Variants in TSPAN5 observed in about 807,000 individuals in gnomAD.
The protein encoded by TSPAN5 is tetraspanin 5.
TSPAN5 carries 10 observed loss-of-function variants against 37.1 expected under a neutral mutation model. The observed-to-expected ratio is 0.27, with a 90% CI of 0.17 to 0.46. The LOEUF (loss-of-function observed/expected upper bound fraction) is 0.46. Ranked by LOEUF, TSPAN5 falls within the 20% of genes least tolerant of loss-of-function variation. The pLI is 1.00. For synonymous variants in TSPAN5, 110 were observed against 118.9 expected (o/e 0.93, Z 0.48); for missense variants, 195 against 326.6 (o/e 0.60, Z 3.11).
chr4:98,621,981 T>C (rs1342037361), intron 1 of TSPAN5, among the ~76,000 whole-genome samples: 1 of 152,220 alleles, frequency 6.6e-6, no homozygotes, highest in African/African-American at 2.4e-5. Context: ...TATACCATTG[T>C]ATGGGTATAC....
chr4:98,633,507 C>T (rs1756791459), intron 1 of TSPAN5, among the ~76,000 whole-genome samples: 1 of 152,212 alleles, frequency 6.6e-6, no homozygotes, highest in Non-Finnish European at 1.5e-5. Flanking sequence ...CTCAAACCCT[C>T]TTCAGGATTC....
chr4:98,600,680 T>C (rs1233351070), intron 1 of TSPAN5, among the ~76,000 whole-genome samples: 1 of 152,146 alleles, frequency 6.6e-6, no homozygotes, highest in East Asian at 1.9e-4. Flanking sequence ...CTGTACCACA[T>C]CCACTAAAGT....
At chr4:98,486,946 A>G (rs1752974866) in intron 2 of TSPAN5, 62 bp from the exon 3 acceptor site, 24 of 1,575,534 alleles carry the variant, frequency 1.5e-5, no homozygotes, top group South Asian at 2.3e-5. Context: ...TCCAACATGT[A>G]AAGATTATTG....
rs1752849966 is a variant in TSPAN5 at position 98,482,056 on chromosome 4, T to C, written c.399A>G (p.Ala133=). ...LYFFINNNIR[A]YRDDIDLQNL... is the part of the protein sequence containing the mutation. ...TTTGCAAATCAATGTCATCCCGATA[T>C]GCTCTGATGTTGTTGTTTATAAAGA... The change falls in exon 4 of 8, where the codon GCA becomes GCG. Residue 133 remains alanine, a synonymous_variant. Coordinates refer to ENST00000305798, the MANE Select transcript of TSPAN5 (RefSeq NM_005723.4). 1 of 1,614,106 alleles carries C rather than the reference T, an allele frequency of 6.2e-7. No homozygotes were observed. Among genetic ancestry groups the C allele is most frequent in the Non-Finnish European group, 8.5e-7 (1 of 1,179,992 alleles).
intron 1 of TSPAN5, among the ~76,000 whole-genome samples, chr4:98,589,181 G>C (rs1243769228): frequency 1.3e-5 from 2 of 152,176 alleles, no homozygotes; most frequent in African/African-American, 4.8e-5. Context: ...GTGGAAACAA[G>C]ACCTAGGTTA....
chr4:98,632,190 G>C (rs1181786417), intron 1 of TSPAN5, among the ~76,000 whole-genome samples: 2 of 152,084 alleles, frequency 1.3e-5, no homozygotes, highest in Non-Finnish European at 2.9e-5. Context: ...TAACAGTCTT[G>C]GTGCCTCCCA....
intron 1 of TSPAN5, among the ~76,000 whole-genome samples, chr4:98,633,356 C>T (rs1467115625): frequency 6.6e-6 from 1 of 152,168 alleles, no homozygotes; most frequent in East Asian, 1.9e-4. Context: ...ACAAGAGAGA[C>T]TCACCTAAAC....
chr4:98,624,892 G>A (rs563458614), intron 1 of TSPAN5, among the ~76,000 whole-genome samples: 10 of 149,822 alleles, frequency 6.7e-5, no homozygotes, highest in Admixed American at 1.3e-4. Context: ...CAAGACTAAC[G>A]CCACACTTAA....
intron 1 of TSPAN5, among the ~76,000 whole-genome samples, chr4:98,644,239 T>G (rs1757016129): frequency 1.3e-5 from 2 of 152,154 alleles, no homozygotes; most frequent in South Asian, 4.1e-4. Flanking sequence ...TCGGAAGAAA[T>G]GCTTAAAAGC....
At chr4:98,543,255 A>G (rs1754399018) in intron 1 of TSPAN5, among the ~76,000 whole-genome samples, 1 of 152,168 alleles carries the variant, frequency 6.6e-6, no homozygotes, top group Admixed American at 6.5e-5. Flanking sequence ...TCAACTCTGC[A>G]TGAGCCTGTG....
intron 1 of TSPAN5, among the ~76,000 whole-genome samples, chr4:98,564,662 T>C (rs1049168550): frequency 2.6e-5 from 4 of 152,104 alleles, no homozygotes; most frequent in African/African-American, 9.7e-5. Flanking sequence ...GAGGCTTGGG[T>C]CTTGACATTA....
intron 1 of TSPAN5, among the ~76,000 whole-genome samples, chr4:98,534,810 C>CT (rs942242896): frequency 4.6e-5 from 7 of 152,100 alleles, no homozygotes; most frequent in Non-Finnish European, 7.4e-5. Context: ...GGTTTAAAGT[C>CT]TTTTTTATCA....
At position 98,486,742 on chromosome 4, in the gene TSPAN5, T is replaced by A. The variant is rs755860419; in HGVS notation, c.275A>T (p.Lys92Met). Residue 92 changes from lysine (K) to methionine (M), a missense_variant, in exon 3 of 8, where the codon AAG becomes ATG. Physicochemically the swap from Lys to Met is moderately conservative, Grantham distance 95 (BLOSUM62 -1). Transcript: ENST00000305798. ...AGTAGAGAGTGGAATACTTACAAAC[T>A]TGAGAAGGAAAGTGTTTTCCCGTAG... The part of the protein sequence containing the change: ...GALRENTFLL[K>M]FFSVFLGIIF... 1.2e-6 allele frequency: 2 copies of A among 1,613,888 alleles called. No individual in the cohort carries two copies. Among genetic ancestry groups the A allele is most frequent in the African/African-American group, 2.7e-5 (2 of 74,832 alleles).
At chr4:98,509,740 G>A (rs149424143) in intron 1 of TSPAN5, 1 of 152,192 alleles carries the variant, frequency 6.6e-6, no homozygotes, top group Non-Finnish European at 1.5e-5. Context: ...AAGACTCAAA[G>A]GTACTTAGGA....
At chr4:98,560,334 T>C (rs757340334) in intron 1 of TSPAN5, 2 of 152,240 alleles carry the variant, frequency 1.3e-5, no homozygotes, top group African/African-American at 2.4e-5. Flanking sequence ...ATATTTCACT[T>C]AGATTATCAT....
intron 2 of TSPAN5, chr4:98,500,383 CA>C (rs1406989689): frequency 6.6e-6 from 1 of 152,342 alleles, no homozygotes. Flanking sequence ...ACATCATCTA[CA>C]GCAAAGCCAA....
chr4:98,577,205 TA>T (rs1755259036), intron 1 of TSPAN5, among the ~76,000 whole-genome samples: 1 of 141,964 alleles, frequency 7.0e-6, no homozygotes, highest in Non-Finnish European at 1.6e-5. Context: ...ATATTTCTGT[TA>T]ACAGAGAAGC....
At chr4:98,560,757 T>C (rs554892295) in intron 1 of TSPAN5, among the ~76,000 whole-genome samples, 1 of 152,290 alleles carries the variant, frequency 6.6e-6, no homozygotes, top group East Asian at 1.9e-4. Context: ...ATATATAATA[T>C]AATGTGTGAC....
intron 1 of TSPAN5, among the ~76,000 whole-genome samples, chr4:98,635,313 G>A (rs1756830440): frequency 6.6e-6 from 1 of 152,180 alleles, no homozygotes; most frequent in Non-Finnish European, 1.5e-5. Flanking sequence ...TGAGAAATGG[G>A]TCCTCTAACT....
Sources: allele counts gnomAD v4.1 joint callset (sites outside exome capture counted in the v4.1 genomes callset), GRCh38; gene constraint gnomAD v4.1.1; transcripts MANE v1.5; gene names NCBI Gene and HGNC (gene_info 2026-07-23, HGNC 2026-07-21).